The following DNAAF9 variants were observed in gnomAD, a reference collection of about 807,000 sequenced individuals.
The protein encoded by DNAAF9 is dynein axonemal assembly factor 9.
Under a neutral mutation model 167.0 loss-of-function variants are expected in DNAAF9, and 90 were observed. The ratio of observed to expected loss-of-function variants is 0.54; its 90% CI spans 0.45 to 0.64. The LOEUF (loss-of-function observed/expected upper bound fraction) is 0.64, where lower values mean the gene tolerates loss of function less well. Ranked by LOEUF, DNAAF9 falls within the 30% of genes least tolerant of loss-of-function variation. DNAAF9 has a pLI of 0.00. For synonymous variants in DNAAF9, 491 were observed against 508.8 expected, an observed-to-expected ratio of 0.96 and a Z score of 0.47; for missense variants, 1,315 against 1,442.2, an observed-to-expected ratio of 0.91 and a Z score of 1.43.
intron 29 of DNAAF9, among the ~76,000 whole-genome samples, chr20:3,271,625 C>CTT (rs199597627): frequency 5.3e-5 from 6 of 113,232 alleles, no homozygotes; most frequent in South Asian, 2.7e-4. Flanking sequence ...TTTACTTCTT[C>CTT]TTTTTTTTTT....
At chr20:3,268,607 G>A (rs932952810) in intron 30 of DNAAF9, among the ~76,000 whole-genome samples, 20 of 152,274 alleles carry the variant, frequency 1.3e-4, no homozygotes, top group African/African-American at 4.6e-4. Flanking sequence ...GATTACAGGC[G>A]TGAGCCACTG....
At chr20:3,346,476 A>G (rs923639049) in intron 8 of DNAAF9, among the ~76,000 whole-genome samples, 5 of 152,226 alleles carry the variant, frequency 3.3e-5, no homozygotes, top group African/African-American at 1.2e-4. Context: ...GAATTGTAAC[A>G]AAGATCCCAA....
At chr20:3,341,243 A>G (rs1309353726) in intron 9 of DNAAF9, among the ~76,000 whole-genome samples, 1 of 152,086 alleles carries the variant, frequency 6.6e-6, no homozygotes, top group Non-Finnish European at 1.5e-5. Context: ...AGTTCTTGCC[A>G]AAGTCACCAA....
At chr20:3,407,038 T>G (rs1395439335) in intron 1 of DNAAF9, among the ~76,000 whole-genome samples, 1 of 151,958 alleles carries the variant, frequency 6.6e-6, no homozygotes, top group Non-Finnish European at 1.5e-5. Context: ...TGTGGAGGTG[T>G]GAGGTCTGTA....
chr20:3,386,085 G>C (rs899276791), intron 1 of DNAAF9, among the ~76,000 whole-genome samples: 1 of 152,132 alleles, frequency 6.6e-6, no homozygotes, highest in East Asian at 1.9e-4. Context: ...TCAGGAGTTC[G>C]AGGCCAGCCT....
At chr20:3,269,361 A>G (rs77763497) in intron 30 of DNAAF9, among the ~76,000 whole-genome samples, 29,897 of 151,812 alleles carry the variant, frequency 0.2, 3,153 homozygotes, top group African/African-American at 0.25. Context: ...GACATGCACA[A>G]CCATGCTGGC....
At chr20:3,334,428 G>A (rs2069898313) in intron 10 of DNAAF9, among the ~76,000 whole-genome samples, 1 of 152,176 alleles carries the variant, frequency 6.6e-6, no homozygotes, top group Admixed American at 6.6e-5. Flanking sequence ...TGGCTTGACA[G>A]CTCTTTTCTT....
intron 1 of DNAAF9, 117 bp from the exon 2 acceptor site, chr20:3,382,623 A>G (rs1600898979): frequency 5.2e-6 from 4 of 762,790 alleles, no homozygotes; most frequent in Non-Finnish European, 9.1e-6. Flanking sequence ...TGGGGATGGA[A>G]ATTGATTCTT....
Position 3,322,267 on chromosome 20 carries a change from G to A in DNAAF9, c.1311-5C>T, listed in dbSNP as rs774322604. The A allele has an allele frequency of 1.1e-5, 17 of 1,601,906 alleles. No homozygotes were observed. The Admixed American group carries it at 2.7e-4, about 25-fold the overall frequency. On this transcript the variant is annotated splice_polypyrimidine_tract_variant and splice_region_variant and intron_variant, in intron 15 of 36. Transcript: ENST00000252032. ...TCACTGTCCAGCGGTACAATTCTAG[G>A]AGGGGAAAGAGATGGAAGACTATGT...
intron 29 of DNAAF9, among the ~76,000 whole-genome samples, chr20:3,277,349 TC>T (rs2068691487): frequency 6.6e-6 from 1 of 152,316 alleles, no homozygotes; most frequent in African/African-American, 2.4e-5. Flanking sequence ...TCCCTGCTTC[TC>T]TTTCGGTGTC....
intron 21 of DNAAF9, among the ~76,000 whole-genome samples, chr20:3,302,462 C>G (rs2069207457): frequency 6.6e-6 from 1 of 152,146 alleles, no homozygotes; most frequent in African/African-American, 2.4e-5. Context: ...CAACAGAACA[C>G]TAGAATTTAC....
At chr20:3,391,255 A>G (rs2083821861) in intron 1 of DNAAF9, among the ~76,000 whole-genome samples, 1 of 152,130 alleles carries the variant, frequency 6.6e-6, no homozygotes, top group Admixed American at 6.5e-5. Context: ...ATTAACCAGA[A>G]GATAGTTTTT....
intron 16 of DNAAF9, 121 bp downstream of exon 16, chr20:3,322,093 GAGA>G (rs1172395966): frequency 4.3e-6 from 3 of 697,182 alleles, no homozygotes; most frequent in Admixed American, 2.2e-5. Context: ...ATAGGACTGA[GAGA>G]AGATCAGCTT....
At chr20:3,308,814 TAA>T (rs778450449) in intron 20 of DNAAF9, among the ~76,000 whole-genome samples, 9 of 137,928 alleles carry the variant, frequency 6.5e-5, no homozygotes, top group African/African-American at 8.0e-5. Flanking sequence ...CCATCTCTAC[TAA>T]AAAAAAAAAA....
chr20:3,354,299 C>A (rs1401556892), intron 7 of DNAAF9, among the ~76,000 whole-genome samples: 1 of 152,242 alleles, frequency 6.6e-6, no homozygotes, highest in Non-Finnish European at 1.5e-5. Context: ...GTAAGTGGAA[C>A]TGGTCAGGTG....
At chr20:3,292,030 G>A (rs1279939910) in intron 25 of DNAAF9, among the ~76,000 whole-genome samples, 1 of 148,832 alleles carries the variant, frequency 6.7e-6, no homozygotes, top group African/African-American at 2.5e-5. Flanking sequence ...ATGGAGTCTC[G>A]CTCCATTGCC....
intron 31 of DNAAF9, among the ~76,000 whole-genome samples, chr20:3,260,556 C>A (rs921343023): frequency 1.3e-5 from 2 of 152,096 alleles, no homozygotes; most frequent in Non-Finnish European, 2.9e-5. Flanking sequence ...ACCTCTGAAG[C>A]CTCCCAGTCC....
chr20:3,312,341 A>G (rs1211593221), intron 20 of DNAAF9, among the ~76,000 whole-genome samples: 1 of 151,994 alleles, frequency 6.6e-6, no homozygotes, highest in East Asian at 1.9e-4. Context: ...AAATCAGAAG[A>G]CCTGTACTAT....
intron 12 of DNAAF9, among the ~76,000 whole-genome samples, chr20:3,326,710 T>C (rs2069717382): frequency 1.3e-5 from 2 of 150,222 alleles, no homozygotes; most frequent in African/African-American, 4.9e-5. Flanking sequence ...ACTGTGTCAC[T>C]GTACTCCAGC....
Sources: gnomAD v4.1 joint callset for allele counts (sites outside exome capture counted in the v4.1 genomes callset) on GRCh38, gnomAD v4.1.1 for gene constraint, MANE v1.5 for transcripts, NCBI Gene and HGNC (gene_info 2026-07-23, HGNC 2026-07-21) for gene names.